PLEKHA5: variants seen among roughly 807,000 people sequenced by gnomAD.
PLEKHA5 encodes pleckstrin homology domain containing A5.
Under a neutral mutation model 181.9 loss-of-function variants are expected in PLEKHA5, and 55 were observed. The ratio of observed to expected loss-of-function variants is 0.30; its 90% CI spans 0.24 to 0.38. PLEKHA5 has a LOEUF of 0.38. Among genes scored for constraint, PLEKHA5 ranks in the 10% least tolerant of loss-of-function variants. The pLI, the probability that PLEKHA5 is intolerant of heterozygous loss-of-function variation, is 1.00. For synonymous variants in PLEKHA5, 535 were observed against 529.4 expected (o/e 1.01, Z -0.15); for missense variants, 1,432 against 1,549.5 (o/e 0.92, Z 1.27).
intron 28 of PLEKHA5, 34 bp from the exon 29 acceptor site, chr12:19,361,548 C>A: frequency 9.1e-7 from 1 of 1,100,646 alleles, no homozygotes; most frequent in Non-Finnish European, 1.3e-6. Context: ...GATAAGAATT[C>A]TTTGAAAAGA....
In PLEKHA5 at chr12:19,322,404, G is replaced by A; in HGVS notation, c.2298+14G>A. On this transcript the variant is annotated intron_variant, in intron 19 of 31. Transcript: ENST00000429027. ...CACAAGGAGAAAGTAGGACAATTAT[G>A]TTTATTGTCTACAATTGATGTTACT... 6.3e-7 allele frequency: 1 copy of A among 1,580,552 alleles called. No homozygotes were observed. Among genetic ancestry groups the A allele is most frequent in the Non-Finnish European group, 8.7e-7 (1 of 1,149,494 alleles).
chr12:19,331,312 G>A (rs1442022541), intron 20 of PLEKHA5, among the ~76,000 whole-genome samples: 2 of 152,098 alleles, frequency 1.3e-5, no homozygotes, highest in Non-Finnish European at 2.9e-5. Context: ...GATAAGAAAA[G>A]GAAAGTTTTC....
intron 3 of PLEKHA5, among the ~76,000 whole-genome samples, chr12:19,173,540 C>CT (rs2046487315): frequency 1.3e-5 from 2 of 152,086 alleles, no homozygotes; most frequent in African/African-American, 4.8e-5. Flanking sequence ...GGGAGCAGTG[C>CT]TTTTTACTTT....
intron 15 of PLEKHA5, among the ~76,000 whole-genome samples, chr12:19,306,131 G>A (rs1442288507): frequency 6.6e-6 from 1 of 152,076 alleles, no homozygotes; most frequent in Non-Finnish European, 1.5e-5. Flanking sequence ...AACTGCTGAA[G>A]AGGCCAGGAT....
At chr12:19,333,373 AT>A (rs1190019954) in intron 20 of PLEKHA5, among the ~76,000 whole-genome samples, 1 of 151,638 alleles carries the variant, frequency 6.6e-6, no homozygotes, top group Non-Finnish European at 1.5e-5. Context: ...AGGTCAGGAG[AT>A]TAAGACCATC....
rs2095414741 is a variant in PLEKHA5, at chr12:19,366,082, G to A, written c.3727G>A (p.Val1243Ile). 1 of 1,611,960 alleles carries A rather than the reference G, an allele frequency of 6.2e-7. No individual in the cohort carries two copies. Among genetic ancestry groups the A allele is most frequent in the Non-Finnish European group, 8.5e-7 (1 of 1,179,120 alleles). ...TATTTCTTACGAATCAACTCCTGAG[G>A]TTTCTAGAGGAAATCAAACAATGGC... Reference protein sequence around the residue: ...TVISYESTPEVSRGNQTMAVK... With the variant: ...TVISYESTPEISRGNQTMAVK... Residue 1243 changes from valine (V) to isoleucine (I), a missense_variant, in exon 30 of 32, where the codon GTT becomes ATT. By Grantham distance (29) the Val-to-Ile change is conservative (BLOSUM62 3). Around this residue, in one of 2 missense-constraint regions of PLEKHA5, gnomAD observed 1,143 missense variants for 1,168.4 expected, o/e 0.98. Transcript: ENST00000429027.
At chr12:19,168,257 T>C (rs767942542) in intron 3 of PLEKHA5, among the ~76,000 whole-genome samples, 7 of 152,198 alleles carry the variant, frequency 4.6e-5, no homozygotes, top group Non-Finnish European at 1.0e-4. Context: ...GTATTCTCTT[T>C]GGTGGACTTT....
intron 3 of PLEKHA5, among the ~76,000 whole-genome samples, chr12:19,218,924 T>C (rs1174611749): frequency 1.5e-5 from 2 of 132,662 alleles, no homozygotes; most frequent in Non-Finnish European, 3.4e-5. Context: ...TTTTACTTTT[T>C]AATTTTCTTT....
chr12:19,201,507 A>T (rs2054194888), intron 3 of PLEKHA5: 1 of 152,150 alleles, frequency 6.6e-6, no homozygotes, highest in Non-Finnish European at 1.5e-5. Flanking sequence ...AAACGTGTGC[A>T]CACAAAGATC....
intron 29 of PLEKHA5, among the ~76,000 whole-genome samples, chr12:19,365,392 T>G (rs1041862878): frequency 6.6e-6 from 1 of 151,808 alleles, no homozygotes; most frequent in Non-Finnish European, 1.5e-5. Context: ...ATCTTATAAC[T>G]TTATAGAAAA....
At position 19,265,378 on chromosome 12, in the gene PLEKHA5, G is replaced by A. The variant is rs377516892; in HGVS notation, c.611-372G>A. Among the ~76,000 whole-genome samples the A allele has an allele frequency of 2.6e-5, 4 of 152,284 alleles. No individual in the cohort carries two copies. In the South Asian group the frequency reaches 8.3e-4, roughly 32 times the overall value. On this transcript the variant is annotated intron_variant, in intron 7 of 31. Coordinates refer to ENST00000429027, the MANE Select transcript of PLEKHA5 (RefSeq NM_001256470.2). Reference sequence around the variant, plus strand: ...ATTTTAAAATACAGTAGTCAAGGAAGGCCTCATTGATGAGACCTTTGAGCA... The same window carrying A: ...ATTTTAAAATACAGTAGTCAAGGAAAGCCTCATTGATGAGACCTTTGAGCA...
In PLEKHA5 at chr12:19,158,477, G is replaced by C. The variant is rs79103422; in HGVS notation, c.227+26027G>C. Among the ~76,000 whole-genome samples, 1,220 of 152,288 alleles carry C rather than the reference G, an allele frequency of 8.0e-3. 14 individuals carry two copies. The highest frequency in any genetic ancestry group is 0.027 in the East Asian group (138 of 5,184). On this transcript the variant is annotated intron_variant, in intron 3 of 31. Coordinates refer to ENST00000429027, the MANE Select transcript of PLEKHA5 (RefSeq NM_001256470.2). ...TGAAAACTGGTAGCTTGAAGAATGT[G>C]TACTTTCAGTACATTCCGTGGATGT...
intron 20 of PLEKHA5, among the ~76,000 whole-genome samples, chr12:19,326,390 T>G (rs2092092263): frequency 6.6e-6 from 1 of 152,186 alleles, no homozygotes; most frequent in South Asian, 2.1e-4. Flanking sequence ...ACTGAATCTT[T>G]CACAGTCAGT....
At chr12:19,152,997 TTTGTTTTTTTTTTTG>T (rs1483753470) in intron 3 of PLEKHA5, 1 of 29,992 alleles carries the variant, frequency 3.3e-5, no homozygotes, top group Non-Finnish European at 2.6e-4. Flanking sequence ...ACACAGGTTT[TTTGTTTTTTTTTTTG>T]TTGTTTTTAA....
At chr12:19,306,412 AGGT>A (rs1161912754) in intron 15 of PLEKHA5, 5 of 553,720 alleles carry the variant, frequency 9.0e-6, no homozygotes, top group South Asian at 6.1e-5. Context: ...GGTAGAGAAA[AGGT>A]GGCGACGGCG....
intron 3 of PLEKHA5, among the ~76,000 whole-genome samples, chr12:19,206,552 T>TAATA (rs2055578251): frequency 6.6e-6 from 1 of 151,786 alleles, no homozygotes; most frequent in Non-Finnish European, 1.5e-5. Context: ...ATAAGGTGCT[T>TAATA]TAAAGAGGTC....
At chr12:19,248,586 G>A (rs1049807666) in intron 3 of PLEKHA5, among the ~76,000 whole-genome samples, 3 of 151,964 alleles carry the variant, frequency 2.0e-5, no homozygotes, top group South Asian at 4.2e-4. Flanking sequence ...AGTAACATGC[G>A]TTACCTGTTT....
intron 3 of PLEKHA5, among the ~76,000 whole-genome samples, chr12:19,197,248 T>C (rs2053028172): frequency 6.6e-6 from 1 of 152,184 alleles, no homozygotes; most frequent in Non-Finnish European, 1.5e-5. Flanking sequence ...TTTCTGGCCC[T>C]TTTCTCACTG....
chr12:19,306,442 C>CT (rs772188546), intron 15 of PLEKHA5: 1 of 599,526 alleles, frequency 1.7e-6, no homozygotes, highest in African/African-American at 1.9e-5. Flanking sequence ...GCAGCAGAGG[C>CT]TGTAGCATCG....
Sources: gnomAD v4.1 joint callset for allele counts (sites outside exome capture counted in the v4.1 genomes callset) on GRCh38, gnomAD v4.1.1 for gene constraint, gnomAD v4.1.1 regional missense constraint, MANE v1.5 for transcripts, NCBI Gene and HGNC (gene_info 2026-07-23, HGNC 2026-07-21) for gene names.